The following BBS9 variants were observed in gnomAD, a reference collection of about 807,000 sequenced individuals.
BBS9 encodes the protein Bardet-Biedl syndrome 9.
Under a neutral mutation model 117.7 loss-of-function variants are expected in BBS9, and 89 were observed. That is an observed-to-expected ratio of 0.76 (90% CI 0.64 to 0.90). BBS9 has a LOEUF of 0.90. BBS9 is among the 40% of genes least tolerant of loss of function. BBS9 has a pLI of 0.00. For missense variants in BBS9, 982 were observed against 1,042.2 expected, an observed-to-expected ratio of 0.94 and a Z score of 0.80; for synonymous variants, 379 against 370.9, an observed-to-expected ratio of 1.02 and a Z score of -0.25.
intron 21 of BBS9, among the ~76,000 whole-genome samples, chr7:33,632,407 A>G (rs898215851): frequency 6.6e-6 from 1 of 152,220 alleles, no homozygotes; most frequent in Non-Finnish European, 1.5e-5. Flanking sequence ...TGTTTGTACA[A>G]TGAGCCACAA....
chr7:33,597,227 A>G (rs535158863), intron 21 of BBS9, among the ~76,000 whole-genome samples: 82 of 152,156 alleles, frequency 5.4e-4, no homozygotes, highest in African/African-American at 1.9e-3. Flanking sequence ...CTGCACATGA[A>G]TTATAAACCA....
intron 5 of BBS9, among the ~76,000 whole-genome samples, chr7:33,254,797 G>C (rs1308885999): frequency 6.6e-6 from 1 of 152,084 alleles, no homozygotes; most frequent in Non-Finnish European, 1.5e-5. Flanking sequence ...CATTTAGCAT[G>C]ATGTTCTCTA....
intron 7 of BBS9, among the ~76,000 whole-genome samples, chr7:33,268,751 G>A (rs1799249492): frequency 6.6e-6 from 1 of 152,094 alleles, no homozygotes; most frequent in African/African-American, 2.4e-5. Flanking sequence ...TCAGTACCTG[G>A]TAAATTGAAA....
chr7:33,220,979 T>C (rs1790133978), intron 5 of BBS9, among the ~76,000 whole-genome samples: 2 of 152,350 alleles, frequency 1.3e-5, no homozygotes, highest in South Asian at 2.1e-4. Flanking sequence ...GAGAAAAATC[T>C]AAAGCGTTTG....
At chr7:33,283,019 T>C (rs756103766) in intron 9 of BBS9, among the ~76,000 whole-genome samples, 1 of 152,202 alleles carries the variant, frequency 6.6e-6, no homozygotes, top group Non-Finnish European at 1.5e-5. Context: ...TTTTTTGTAA[T>C]CACAATTTCT....
rs75271965 is a variant in BBS9 at position 33,145,765 on chromosome 7, A to G, written c.-11-477A>G. Among the ~76,000 whole-genome samples the G allele has an allele frequency of 4.2e-3, 640 of 152,290 alleles. 2 individuals are homozygous for G. The highest frequency in any genetic ancestry group is 0.015 in the African/African-American group (623 of 41,544). On this transcript the variant is annotated intron_variant, in intron 1 of 22. Coordinates refer to ENST00000242067, the MANE Select transcript of BBS9 (RefSeq NM_198428.3). ...TGTACTAGGTATACTAGGTCATTATATATAATAAGGGACTTGAGCATCTGG... is the reference window on the plus strand; with the variant it reads ...TGTACTAGGTATACTAGGTCATTATGTATAATAAGGGACTTGAGCATCTGG...
chr7:33,413,890 G>T (rs1420594946), intron 19 of BBS9, among the ~76,000 whole-genome samples: 1 of 152,078 alleles, frequency 6.6e-6, no homozygotes, highest in Non-Finnish European at 1.5e-5. Flanking sequence ...CGGGCATGGT[G>T]GTGCATGCCT....
intron 9 of BBS9, among the ~76,000 whole-genome samples, chr7:33,329,800 T>C (rs1037189412): frequency 2.0e-5 from 3 of 152,194 alleles, no homozygotes; most frequent in African/African-American, 7.2e-5. Flanking sequence ...ATACAATCTT[T>C]TTGCTAGTTT....
At chr7:33,283,344 C>G (rs966220768) in intron 9 of BBS9, among the ~76,000 whole-genome samples, 1 of 152,078 alleles carries the variant, frequency 6.6e-6, no homozygotes, top group Non-Finnish European at 1.5e-5. Context: ...TCTGGATGCT[C>G]GTCTGACTTA....
chr7:33,565,781 GTATATATATATA>G (rs70989957), intron 21 of BBS9, among the ~76,000 whole-genome samples: 286 of 65,558 alleles, frequency 4.4e-3, no homozygotes, highest in East Asian at 0.015. Flanking sequence ...GCTATCAGTA[GTATATATATATA>G]TATATATATA....
At chr7:33,597,069 T>TCACACACACA (rs58511454) in intron 21 of BBS9, among the ~76,000 whole-genome samples, 15 of 138,940 alleles carry the variant, frequency 1.1e-4, no homozygotes, top group African/African-American at 2.4e-4. Flanking sequence ...TCTCTCTCTG[T>TCACACACACA]CACACACACA....
At chr7:33,383,959 G>A (rs924575886) in intron 18 of BBS9, 121 bp downstream of exon 18, 11 of 1,041,566 alleles carry the variant, frequency 1.1e-5, no homozygotes, top group Non-Finnish European at 1.2e-5. Context: ...TTTTTCTTAT[G>A]TGGATGGTGG....
At position 33,505,274 on chromosome 7, in the gene BBS9, G is replaced by A. The variant is rs1319394266; in HGVS notation, c.2116-189G>A. Among the ~76,000 whole-genome samples the A allele has an allele frequency of 5.3e-5, 3 of 56,272 alleles. No homozygotes were observed. The Admixed American group carries it at 6.0e-4, about 11-fold the overall frequency. 36.9% of individuals were successfully genotyped at this position (56,272 alleles called of 152,430 possible). Reference sequence around the variant, plus strand: ...GCCATATGGATTTGGAATTACTGTGGGCATTTTTTTTTAAAGAAGGAAGTG... The same window carrying A: ...GCCATATGGATTTGGAATTACTGTGAGCATTTTTTTTTAAAGAAGGAAGTG... On this transcript the variant is annotated intron_variant, in intron 19 of 22. Coordinates refer to ENST00000242067, the MANE Select transcript of BBS9 (RefSeq NM_198428.3).
chr7:33,600,551 A>G (rs1863636686), intron 21 of BBS9, among the ~76,000 whole-genome samples: 1 of 152,192 alleles, frequency 6.6e-6, no homozygotes, highest in Non-Finnish European at 1.5e-5. Flanking sequence ...TAGCTAAGTC[A>G]GAGATGCAAG....
intron 8 of BBS9, 124 bp downstream of exon 8, chr7:33,273,319 A>G: frequency 9.6e-7 from 1 of 1,037,218 alleles, no homozygotes; most frequent in Non-Finnish European, 1.4e-6. Context: ...TGAATATGTA[A>G]TGGAAATTTT....
chr7:33,394,537 C>A (rs1157980012), intron 19 of BBS9, among the ~76,000 whole-genome samples: 6 of 152,032 alleles, frequency 3.9e-5, no homozygotes, highest in South Asian at 2.1e-4. Context: ...TGCACATGTA[C>A]CCCTGAACTT....
intron 1 of BBS9, among the ~76,000 whole-genome samples, chr7:33,139,640 C>A (rs114743021): frequency 4.8e-4 from 72 of 150,308 alleles, no homozygotes; most frequent in African/African-American, 1.7e-3. Flanking sequence ...TTCTCCTTTA[C>A]TTGGTTTAGT....
At chr7:33,534,530 T>C (rs1851076334) in intron 21 of BBS9, among the ~76,000 whole-genome samples, 1 of 152,170 alleles carries the variant, frequency 6.6e-6, no homozygotes, top group South Asian at 2.1e-4. Flanking sequence ...TAAATGTAAA[T>C]AGCATGATAC....
chr7:33,217,702 C>T (rs1053572346), intron 5 of BBS9, among the ~76,000 whole-genome samples: 12 of 152,160 alleles, frequency 7.9e-5, no homozygotes, highest in South Asian at 2.1e-4. Context: ...ACTTGCTAGC[C>T]GAAGGACATT....
Sources: gnomAD v4.1 joint callset for allele counts (sites outside exome capture counted in the v4.1 genomes callset) on GRCh38, gnomAD v4.1.1 for gene constraint, MANE v1.5 for transcripts, NCBI Gene and HGNC (gene_info 2026-07-23, HGNC 2026-07-21) for gene names.